Variants in RALYL observed in about 807,000 individuals in gnomAD.
The protein encoded by RALYL is RNA-binding Raly-like protein.
RALYL carries 29 observed loss-of-function variants against 35.1 expected under a neutral mutation model. That is an observed-to-expected ratio of 0.83 (90% CI 0.61 to 1.13). The LOEUF (loss-of-function observed/expected upper bound fraction) is 1.13. Among genes scored for constraint, RALYL ranks in the 50% most tolerant of loss-of-function variants. The pLI is 0.00. For synonymous variants in RALYL, 120 were observed against 127.6 expected (o/e 0.94, Z 0.40); for missense variants, 359 against 360.4 (o/e 1.00, Z 0.03).
chr8:84,767,939 G>T (rs1435496993), intron 2 of RALYL, among the ~76,000 whole-genome samples: 1 of 152,164 alleles, frequency 6.6e-6, no homozygotes, highest in Non-Finnish European at 1.5e-5. Flanking sequence ...TTTATTGGGA[G>T]TGATTAAACC....
At chr8:84,878,781 AGAAAATATG>A (rs1315056878) in intron 7 of RALYL, among the ~76,000 whole-genome samples, 3 of 151,626 alleles carry the variant, frequency 2.0e-5, no homozygotes, top group Non-Finnish European at 4.4e-5. Flanking sequence ...AAACTCTCCC[AGAAAATATG>A]GAAAAAAAAA....
intron 2 of RALYL, among the ~76,000 whole-genome samples, chr8:84,637,101 A>G (rs999621984): frequency 6.6e-6 from 1 of 151,868 alleles, no homozygotes; most frequent in South Asian, 2.1e-4. Context: ...TTATTATACT[A>G]TTTAGGTTCT....
intron 3 of RALYL, among the ~76,000 whole-genome samples, chr8:84,782,337 G>A (rs918635042): frequency 2.0e-5 from 3 of 152,196 alleles, no homozygotes; most frequent in African/African-American, 4.8e-5. Flanking sequence ...AAAAGACAAT[G>A]CTTGAATGTC....
At chr8:84,679,883 G>C (rs551388960) in intron 2 of RALYL, 154 of 349,206 alleles carry the variant, frequency 4.4e-4, no homozygotes, top group Admixed American at 1.2e-3. Flanking sequence ...TAAGTTTTAG[G>C]GTACATGTGC....
intron 1 of RALYL, among the ~76,000 whole-genome samples, chr8:84,357,902 G>A (rs1419070487): frequency 6.6e-6 from 1 of 150,676 alleles, no homozygotes. Flanking sequence ...GTTGGTAAAG[G>A]CTGATTTAAT....
At chr8:84,317,258 G>T (rs1168988476) in intron 1 of RALYL, among the ~76,000 whole-genome samples, 1 of 151,958 alleles carries the variant, frequency 6.6e-6, no homozygotes, top group Non-Finnish European at 1.5e-5. Context: ...GAATGAAACA[G>T]TGTCTGACCT....
intron 2 of RALYL, among the ~76,000 whole-genome samples, chr8:84,572,192 A>T (rs1297318287): frequency 6.6e-6 from 1 of 151,242 alleles, no homozygotes; most frequent in East Asian, 1.9e-4. Context: ...TATGCAGCAG[A>T]TGTTTGGGTC....
intron 1 of RALYL, among the ~76,000 whole-genome samples, chr8:84,404,326 ATTATT>A (rs1378156415): frequency 3.9e-5 from 6 of 152,010 alleles, no homozygotes; most frequent in African/African-American, 1.4e-4. Flanking sequence ...AATAGCTCTT[ATTATT>A]TTGAGATATG....
chr8:84,893,627 G>T (rs1844249980), intron 8 of RALYL, among the ~76,000 whole-genome samples: 1 of 152,168 alleles, frequency 6.6e-6, no homozygotes, highest in Non-Finnish European at 1.5e-5. Context: ...TTCCAAAGGA[G>T]AGTTTTTGGT....
chr8:84,778,230 CA>C (rs1817311330), intron 3 of RALYL, among the ~76,000 whole-genome samples: 1 of 152,180 alleles, frequency 6.6e-6, no homozygotes, highest in South Asian at 2.1e-4. Context: ...GAACTGCCGC[CA>C]GACTTTCTTC....
chr8:84,844,354 A>G (rs1324147163), intron 4 of RALYL, among the ~76,000 whole-genome samples: 4 of 152,264 alleles, frequency 2.6e-5, no homozygotes, highest in African/African-American at 9.6e-5. Context: ...TGCATCCAAA[A>G]AACACATGAA....
At chr8:84,307,513 A>C (rs1165629592) in intron 1 of RALYL, among the ~76,000 whole-genome samples, 1 of 152,342 alleles carries the variant, frequency 6.6e-6, no homozygotes, top group South Asian at 2.1e-4. Context: ...CGTATATTTT[A>C]AATTATTTCA....
chr8:84,683,982 G>A (rs13258376), intron 2 of RALYL, among the ~76,000 whole-genome samples: 5,453 of 152,184 alleles, frequency 0.036, 134 homozygotes, highest in Middle Eastern at 0.065. Context: ...GATTACAGGC[G>A]TTGAGCCATG....
intron 1 of RALYL, among the ~76,000 whole-genome samples, chr8:84,187,244 G>A (rs562447139): frequency 6.6e-5 from 10 of 152,174 alleles, no homozygotes; most frequent in African/African-American, 2.4e-4. Flanking sequence ...ATAATAAAAT[G>A]TGGGTATTGT....
intron 1 of RALYL, among the ~76,000 whole-genome samples, chr8:84,223,946 GAT>G (rs1369387055): frequency 6.6e-6 from 1 of 152,154 alleles, no homozygotes; most frequent in African/African-American, 2.4e-5. Context: ...GCATTACTTA[GAT>G]ATCCCAAATC....
chr8:84,562,025 C>A lies in RALYL; in HGVS notation c.256+32448C>A, dbSNP rs552653570. Among the ~76,000 whole-genome samples the A allele has an allele frequency of 5.3e-4, 80 of 152,078 alleles. No individual in the cohort carries two copies. The South Asian group carries it at 0.016, about 31-fold the overall frequency. ...TTCAGTATATAAGACTTTTTTCCTACTGTCATTTCACAGCTGAGCAAGCCA... is the reference window on the plus strand; with the variant it reads ...TTCAGTATATAAGACTTTTTTCCTAATGTCATTTCACAGCTGAGCAAGCCA... On this transcript the variant is annotated intron_variant, in intron 2 of 8. Coordinates refer to ENST00000521268, the MANE Select transcript of RALYL (RefSeq NM_173848.7).
intron 1 of RALYL, among the ~76,000 whole-genome samples, chr8:84,204,966 C>T (rs1020411672): frequency 1.3e-5 from 2 of 152,024 alleles, no homozygotes; most frequent in African/African-American, 4.8e-5. Flanking sequence ...CTCACTGGGC[C>T]TATGCTTCTT....
At chr8:84,508,642 A>G (rs940949852) in intron 1 of RALYL, among the ~76,000 whole-genome samples, 3 of 152,082 alleles carry the variant, frequency 2.0e-5, no homozygotes, top group Non-Finnish European at 4.4e-5. Context: ...AGTACTGCAC[A>G]AATTATATAC....
At chr8:84,199,974 T>C (rs553609003) in intron 1 of RALYL, among the ~76,000 whole-genome samples, 2 of 152,340 alleles carry the variant, frequency 1.3e-5, no homozygotes, top group South Asian at 4.1e-4. Context: ...GTAGATCCTC[T>C]AATTTAATTT....
Sources: gnomAD v4.1 joint callset for allele counts (sites outside exome capture counted in the v4.1 genomes callset) on GRCh38, gnomAD v4.1.1 for gene constraint, MANE v1.5 for transcripts, NCBI Gene and HGNC (gene_info 2026-07-23, HGNC 2026-07-21) for gene names.